Variants in DLG2 observed in about 807,000 individuals in gnomAD.
DLG2 encodes the protein discs large MAGUK scaffold protein 2, also known as disks large homolog 2.
A neutral mutation model predicts 132.5 loss-of-function variants in DLG2; 45 were observed. The ratio of observed to expected loss-of-function variants is 0.34; its 90% CI spans 0.27 to 0.44. The LOEUF (loss-of-function observed/expected upper bound fraction) is 0.44. Ranked by LOEUF, DLG2 falls within the 20% of genes least tolerant of loss-of-function variation. DLG2 has a pLI of 1.00. For missense variants in DLG2, 1,045 were observed against 1,196.9 expected, an observed-to-expected ratio of 0.87 and a Z score of 1.87; for synonymous variants, 424 against 419.6, an observed-to-expected ratio of 1.01 and a Z score of -0.13.
chr11:85,016,982 T>C (rs1178187718), intron 6 of DLG2, among the ~76,000 whole-genome samples: 1 of 152,182 alleles, frequency 6.6e-6, no homozygotes, highest in African/African-American at 2.4e-5. Context: ...CATGTTGTTA[T>C]AAATAAATTC....
At chr11:83,968,556 A>C (rs1208039250) in intron 12 of DLG2, among the ~76,000 whole-genome samples, 1 of 152,252 alleles carries the variant, frequency 6.6e-6, no homozygotes, top group Non-Finnish European at 1.5e-5. Flanking sequence ...TAGTAAACAC[A>C]TATAGCCCAT....
intron 6 of DLG2, among the ~76,000 whole-genome samples, chr11:85,005,306 A>C (rs2058554967): frequency 3.9e-5 from 6 of 152,172 alleles, no homozygotes; most frequent in African/African-American, 1.2e-4. Flanking sequence ...AAATCTATAA[A>C]TTACTTTGGG....
chr11:84,530,388 T>C (rs753409409), intron 7 of DLG2, among the ~76,000 whole-genome samples: 7 of 152,048 alleles, frequency 4.6e-5, no homozygotes, highest in South Asian at 2.1e-4. Flanking sequence ...TTTTGCAAAC[T>C]ATGCATCCAA....
At chr11:84,728,987 CT>C (rs2062829758) in intron 6 of DLG2, among the ~76,000 whole-genome samples, 2 of 152,000 alleles carry the variant, frequency 1.3e-5, no homozygotes, top group Non-Finnish European at 2.9e-5. Flanking sequence ...CTCTTTTCTT[CT>C]TTATTAATCT....
chr11:83,559,763 A>C (rs1214564584), intron 19 of DLG2, among the ~76,000 whole-genome samples: 4 of 152,222 alleles, frequency 2.6e-5, no homozygotes, highest in African/African-American at 9.6e-5. Context: ...GGTCATATTT[A>C]TCTTCCAAGC....
chr11:83,609,789 G>A (rs2059852973), intron 19 of DLG2, among the ~76,000 whole-genome samples: 1 of 152,080 alleles, frequency 6.6e-6, no homozygotes, highest in Non-Finnish European at 1.5e-5. Context: ...TAGCCATGTT[G>A]GAGCCCTATC....
intron 11 of DLG2, among the ~76,000 whole-genome samples, chr11:83,982,230 T>G (rs747395777): frequency 1.3e-5 from 2 of 152,088 alleles, no homozygotes; most frequent in African/African-American, 2.4e-5. Flanking sequence ...ACCCCTCTCC[T>G]TATTAAAAAA....
intron 14 of DLG2, among the ~76,000 whole-genome samples, chr11:83,953,925 A>G (rs141112694): frequency 6.5e-4 from 99 of 152,304 alleles, no homozygotes; most frequent in Middle Eastern, 3.4e-3. Context: ...TTTTTGCATC[A>G]ATGAACTAAA....
intron 11 of DLG2, among the ~76,000 whole-genome samples, chr11:84,014,836 CTT>C (rs35189558): frequency 1.4e-4 from 20 of 147,252 alleles, no homozygotes; most frequent in African/African-American, 4.7e-4. Context: ...CTGATACAGA[CTT>C]TTTTTTTTTT....
intron 22 of DLG2, among the ~76,000 whole-genome samples, chr11:83,475,858 CA>C (rs2092569424): frequency 6.6e-6 from 1 of 152,030 alleles, no homozygotes; most frequent in Middle Eastern, 3.4e-3. Flanking sequence ...TAACAGCTGA[CA>C]AAAAGGTACA....
intron 3 of DLG2, among the ~76,000 whole-genome samples, chr11:85,486,717 G>C (rs779719184): frequency 3.9e-5 from 6 of 151,948 alleles, no homozygotes; most frequent in Non-Finnish European, 5.9e-5. Context: ...CCAGTAGGTT[G>C]CTTTACCACT....
intron 11 of DLG2, among the ~76,000 whole-genome samples, chr11:84,018,252 G>A (rs189255740): frequency 6.6e-5 from 10 of 151,286 alleles, no homozygotes; most frequent in Admixed American, 2.0e-4. Context: ...TCCATTTTTT[G>A]TTCATTTCAG....
At chr11:84,046,639 A>G (rs548015995) in intron 11 of DLG2, among the ~76,000 whole-genome samples, 2 of 151,586 alleles carry the variant, frequency 1.3e-5, no homozygotes, top group South Asian at 2.1e-4. Flanking sequence ...TTTTTTCTTA[A>G]CTACTCTTTC....
chr11:84,614,981 A>G (rs188522900), intron 6 of DLG2, among the ~76,000 whole-genome samples: 2 of 152,156 alleles, frequency 1.3e-5, no homozygotes, highest in Admixed American at 6.6e-5. Flanking sequence ...AGAAATAAAC[A>G]TAACTGATAG....
chr11:85,448,388 G>A (rs1419734698), intron 3 of DLG2, among the ~76,000 whole-genome samples: 1 of 152,044 alleles, frequency 6.6e-6, no homozygotes, highest in Non-Finnish European at 1.5e-5. Flanking sequence ...TTTGGGGTGA[G>A]AAAGTAAAAA....
intron 3 of DLG2, among the ~76,000 whole-genome samples, chr11:85,495,036 C>T (rs1683769789): frequency 6.6e-6 from 1 of 151,966 alleles, no homozygotes; most frequent in Non-Finnish European, 1.5e-5. Flanking sequence ...GGTCAAGAGA[C>T]TTAAACAGAT....
At chr11:85,523,175 C>G (rs545766281) in intron 3 of DLG2, among the ~76,000 whole-genome samples, 26 of 152,286 alleles carry the variant, frequency 1.7e-4, no homozygotes, top group Non-Finnish European at 3.1e-4. Flanking sequence ...CTCACAAGAT[C>G]TGATGGTTTT....
At chr11:85,020,735 A>C (rs1174212741) in intron 6 of DLG2, 5 of 629,652 alleles carry the variant, frequency 7.9e-6, no homozygotes, top group Non-Finnish European at 1.5e-5. Context: ...GAAAGCTGAA[A>C]CTGGATAATG....
chr11:85,167,117 A>T (rs573340002), intron 4 of DLG2, among the ~76,000 whole-genome samples: 143 of 152,260 alleles, frequency 9.4e-4, no homozygotes, highest in African/African-American at 3.3e-3. Context: ...AGGAACCAAA[A>T]GCCATATAAA....
Sources: allele counts gnomAD v4.1 joint callset (sites outside exome capture counted in the v4.1 genomes callset), GRCh38; gene constraint gnomAD v4.1.1; transcripts MANE v1.5; gene names NCBI Gene and HGNC (gene_info 2026-07-23, HGNC 2026-07-21).